Variants in SORCS3 observed in about 807,000 individuals in gnomAD.
The protein encoded by SORCS3 is VPS10 domain-containing receptor SorCS3.
A neutral mutation model predicts 146.3 loss-of-function variants in SORCS3; 57 were observed. That is an observed-to-expected ratio of 0.39 (90% confidence interval 0.31 to 0.49). The LOEUF (loss-of-function observed/expected upper bound fraction) is 0.49. SORCS3 is among the 20% of genes least tolerant of loss of function. The pLI, the probability that SORCS3 is intolerant of heterozygous loss-of-function variation, is 0.92. For missense variants in SORCS3, 1,341 were observed against 1,575.5 expected, an observed-to-expected ratio of 0.85 and a Z score of 2.52; for synonymous variants, 653 against 618.5, an observed-to-expected ratio of 1.06 and a Z score of -0.83.
chr10:105,112,848 G>A (rs1370343273), intron 7 of SORCS3, among the ~76,000 whole-genome samples: 1 of 152,114 alleles, frequency 6.6e-6, no homozygotes, highest in Non-Finnish European at 1.5e-5. Flanking sequence ...GGTGGGTTTG[G>A]TTTTTCATGA....
At chr10:105,235,629 C>T (rs1329545860) in intron 20 of SORCS3, among the ~76,000 whole-genome samples, 1 of 151,926 alleles carries the variant, frequency 6.6e-6, no homozygotes, top group Non-Finnish European at 1.5e-5. Flanking sequence ...TATTCAGTTT[C>T]TGGTGGATAA....
intron 14 of SORCS3, among the ~76,000 whole-genome samples, chr10:105,185,927 A>G (rs1010306052): frequency 2.0e-5 from 3 of 152,246 alleles, no homozygotes; most frequent in African/African-American, 4.8e-5. Flanking sequence ...TTTTCTCTCA[A>G]TATTATCTAT....
At chr10:104,812,674 T>C (rs2017754040) in intron 1 of SORCS3, among the ~76,000 whole-genome samples, 2 of 152,178 alleles carry the variant, frequency 1.3e-5, no homozygotes, top group African/African-American at 4.8e-5. Context: ...CAGGTTTTAC[T>C]CTTAAGGGCC....
chr10:104,847,376 C>G (rs1011186977), intron 2 of SORCS3, among the ~76,000 whole-genome samples: 2 of 152,174 alleles, frequency 1.3e-5, no homozygotes, highest in Non-Finnish European at 2.9e-5. Context: ...AGCCCTTGGA[C>G]TGATAAACAA....
intron 20 of SORCS3, among the ~76,000 whole-genome samples, chr10:105,231,903 C>T (rs2056768156): frequency 6.6e-6 from 1 of 152,056 alleles, no homozygotes; most frequent in Non-Finnish European, 1.5e-5. Context: ...ATTCAATTTG[C>T]TAATGCTTTA....
chr10:105,217,889 C>T (rs1384891515), intron 19 of SORCS3: 2 of 453,802 alleles, frequency 4.4e-6, no homozygotes, highest in Admixed American at 2.4e-5. Context: ...GATTGGTTTC[C>T]CACATGTGTA....
intron 4 of SORCS3, among the ~76,000 whole-genome samples, chr10:105,036,263 A>G (rs1156969887): frequency 6.6e-6 from 1 of 151,912 alleles, no homozygotes; most frequent in Non-Finnish European, 1.5e-5. Flanking sequence ...CGCCCAACCC[A>G]GCAGAACTGA....
intron 20 of SORCS3, among the ~76,000 whole-genome samples, chr10:105,239,001 T>C (rs2056808847): frequency 6.6e-6 from 1 of 152,284 alleles, no homozygotes; most frequent in East Asian, 1.9e-4. Context: ...GTTTACTGTA[T>C]TATTTGGCTT....
chr10:105,207,876 T>C (rs2056612128), intron 16 of SORCS3, among the ~76,000 whole-genome samples: 1 of 152,178 alleles, frequency 6.6e-6, no homozygotes, highest in Non-Finnish European at 1.5e-5. Context: ...AGATGTTTCT[T>C]TCATTCTTAA....
At chr10:104,889,980 C>G (rs1211820313) in intron 2 of SORCS3, among the ~76,000 whole-genome samples, 1 of 151,886 alleles carries the variant, frequency 6.6e-6, no homozygotes, top group East Asian at 1.9e-4. Flanking sequence ...CTTATTTTTC[C>G]TTTCAGAACT....
intron 2 of SORCS3, among the ~76,000 whole-genome samples, chr10:104,864,310 T>C (rs541217100): frequency 6.6e-6 from 1 of 152,322 alleles, no homozygotes; most frequent in African/African-American, 2.4e-5. Context: ...CTTAGTGTTA[T>C]TGCAACCACA....
intron 1 of SORCS3, chr10:104,665,271 A>C (rs1182318227): frequency 2.0e-5 from 3 of 152,260 alleles, no homozygotes; most frequent in African/African-American, 7.2e-5. Context: ...GTACACATGC[A>C]CTGCACACAT....
At position 104,866,826 on chromosome 10, in the gene SORCS3, G is replaced by A. The variant is rs142100844; in HGVS notation, c.695+23967G>A. ...TTATTTTTTGCCCATAATCTCTTTTGGGGTATGTCAATTTTGAACAGTCAC... is the reference window on the plus strand; with the variant it reads ...TTATTTTTTGCCCATAATCTCTTTTAGGGTATGTCAATTTTGAACAGTCAC... On this transcript the variant is annotated intron_variant, in intron 2 of 26. Coordinates refer to ENST00000369701, the MANE Select transcript of SORCS3 (RefSeq NM_014978.3). Among the ~76,000 whole-genome samples the A allele has an allele frequency of 2.0e-5, 3 of 152,120 alleles. No homozygotes were observed. In the East Asian group the frequency reaches 5.8e-4, roughly 29 times the overall value.
At chr10:105,130,877 T>C (rs1287982332) in intron 7 of SORCS3, among the ~76,000 whole-genome samples, 1 of 152,146 alleles carries the variant, frequency 6.6e-6, no homozygotes, top group Non-Finnish European at 1.5e-5. Context: ...GGAGATGACA[T>C]GCTGATAGGA....
chr10:105,249,099 T>G (rs1370407453), intron 22 of SORCS3, among the ~76,000 whole-genome samples: 1 of 152,100 alleles, frequency 6.6e-6, no homozygotes, highest in African/African-American at 2.4e-5. Flanking sequence ...ACAATAGAAT[T>G]GGTGACTAAG....
At chr10:104,732,328 A>G (rs1182808260) in intron 1 of SORCS3, among the ~76,000 whole-genome samples, 3 of 152,196 alleles carry the variant, frequency 2.0e-5, no homozygotes. Flanking sequence ...AATGAGAAAC[A>G]GAAGCATGAG....
chr10:104,857,826 C>T (rs907382893), intron 2 of SORCS3, among the ~76,000 whole-genome samples: 1 of 152,180 alleles, frequency 6.6e-6, no homozygotes, highest in African/African-American at 2.4e-5. Flanking sequence ...AACCGGGCCT[C>T]TTGTAATGGT....
At chr10:105,235,590 G>T (rs565527685) in intron 20 of SORCS3, among the ~76,000 whole-genome samples, 1 of 151,982 alleles carries the variant, frequency 6.6e-6, no homozygotes, top group Non-Finnish European at 1.5e-5. Flanking sequence ...ACTTGGAAAT[G>T]CTGGATATCT....
At chr10:104,809,423 G>A (rs918943400) in intron 1 of SORCS3, among the ~76,000 whole-genome samples, 3 of 152,186 alleles carry the variant, frequency 2.0e-5, no homozygotes, top group African/African-American at 7.2e-5. Flanking sequence ...GCTTGTTCTT[G>A]TGGCTAGGCA....
Sources: gnomAD v4.1 joint callset for allele counts (sites outside exome capture counted in the v4.1 genomes callset) on GRCh38, gnomAD v4.1.1 for gene constraint, MANE v1.5 for transcripts, NCBI Gene and HGNC (gene_info 2026-07-23, HGNC 2026-07-21) for gene names.